The following KHDRBS3 variants were observed in gnomAD, a reference collection of about 807,000 sequenced individuals.
KHDRBS3 encodes the protein KH domain-containing, RNA-binding, signal transduction-associated protein 3.
KHDRBS3 carries 23 observed loss-of-function variants against 45.6 expected under a neutral mutation model. The ratio of observed to expected loss-of-function variants is 0.50; its 90% confidence interval spans 0.36 to 0.72. KHDRBS3 has a LOEUF of 0.72. KHDRBS3 is among the 30% of genes least tolerant of loss of function. The pLI is 0.00. For synonymous variants in KHDRBS3, 162 were observed against 156.5 expected, an observed-to-expected ratio of 1.04 and a Z score of -0.26; for missense variants, 352 against 424.8, an observed-to-expected ratio of 0.83 and a Z score of 1.51.
chr8:135,470,575 C>CTT (rs397962210), intron 1 of KHDRBS3, among the ~76,000 whole-genome samples: 8,024 of 141,834 alleles, frequency 0.057, 305 homozygotes, highest in African/African-American at 0.1. Context: ...GGTTTTGCTG[C>CTT]TTTTTTTTTT....
At chr8:135,553,205 C>T (rs1466308577) in intron 4 of KHDRBS3, among the ~76,000 whole-genome samples, 2 of 152,090 alleles carry the variant, frequency 1.3e-5, no homozygotes, top group Non-Finnish European at 2.9e-5. Context: ...GGCAAGCAGG[C>T]CAGACTCTCA....
chr8:135,505,473 TTC>T (rs1351652287), intron 1 of KHDRBS3, among the ~76,000 whole-genome samples: 4 of 152,132 alleles, frequency 2.6e-5, no homozygotes, highest in Non-Finnish European at 5.9e-5. Context: ...CCCAGGTACT[TTC>T]CACTATACTT....
chr8:135,547,100 A>G (rs750435848), intron 3 of KHDRBS3, among the ~76,000 whole-genome samples: 4 of 152,222 alleles, frequency 2.6e-5, no homozygotes, highest in Non-Finnish European at 5.9e-5. Context: ...AACTTGAGCA[A>G]TGAGAGAGAT....
chr8:135,481,273 CTT>C (rs1554614716), intron 1 of KHDRBS3, among the ~76,000 whole-genome samples: 1 of 36,658 alleles, frequency 2.7e-5, no homozygotes, highest in Non-Finnish European at 4.7e-5. Flanking sequence ...CTTCTGTGTA[CTT>C]TTTTTTTTTT....
intron 1 of KHDRBS3, among the ~76,000 whole-genome samples, chr8:135,491,120 T>G (rs185116200): frequency 2.0e-4 from 30 of 152,332 alleles, no homozygotes; most frequent in Non-Finnish European, 3.1e-4. Context: ...TGCTTTCTTA[T>G]TTTGTACTGA....
chr8:135,468,867 T>A (rs1340078634), intron 1 of KHDRBS3, among the ~76,000 whole-genome samples: 2 of 152,230 alleles, frequency 1.3e-5, no homozygotes, highest in Non-Finnish European at 2.9e-5. Context: ...TTTGTTCAGG[T>A]CCTTGTTTAA....
intron 2 of KHDRBS3, among the ~76,000 whole-genome samples, chr8:135,535,703 T>G (rs551359417): frequency 1.4e-4 from 21 of 152,252 alleles, no homozygotes; most frequent in African/African-American, 4.6e-4. Context: ...CCAGAAGGTA[T>G]CCCAGTCCAT....
At chr8:135,644,571 G>A (rs764239904) in intron 7 of KHDRBS3, among the ~76,000 whole-genome samples, 1 of 152,226 alleles carries the variant, frequency 6.6e-6, no homozygotes, top group Admixed American at 6.5e-5. Flanking sequence ...TGGTAGACGA[G>A]GGTGTAAGAA....
chr8:135,544,624 G>A (rs1172562792), intron 3 of KHDRBS3, among the ~76,000 whole-genome samples: 1 of 152,086 alleles, frequency 6.6e-6, no homozygotes, highest in East Asian at 1.9e-4. Flanking sequence ...GAGACTGCTG[G>A]GGATTAAGGT....
intron 1 of KHDRBS3, among the ~76,000 whole-genome samples, chr8:135,511,898 A>T (rs1363520942): frequency 6.6e-6 from 1 of 152,176 alleles, no homozygotes; most frequent in Admixed American, 6.5e-5. Flanking sequence ...AAGCATTTGT[A>T]ATATTTAGAG....
intron 5 of KHDRBS3, among the ~76,000 whole-genome samples, chr8:135,560,082 A>G (rs931384456): frequency 2.0e-5 from 3 of 152,270 alleles, no homozygotes; most frequent in Middle Eastern, 3.4e-3. Flanking sequence ...AAAGAGAAAC[A>G]TAAGTCTCCC....
intron 1 of KHDRBS3, among the ~76,000 whole-genome samples, chr8:135,508,727 T>C (rs113054775): frequency 7.6e-4 from 116 of 152,322 alleles, no homozygotes; most frequent in Non-Finnish European, 2.1e-4. Context: ...GTTTAGTCTG[T>C]GGACTTACTA....
chr8:135,612,527 C>A (rs1039759547), intron 7 of KHDRBS3, among the ~76,000 whole-genome samples: 1 of 151,860 alleles, frequency 6.6e-6, no homozygotes, highest in African/African-American at 2.4e-5. Flanking sequence ...GTGGGCAGTG[C>A]CATGTAGCAC....
intron 2 of KHDRBS3, among the ~76,000 whole-genome samples, chr8:135,522,569 T>C (rs1015318902): frequency 6.6e-6 from 1 of 152,240 alleles, no homozygotes; most frequent in African/African-American, 2.4e-5. Flanking sequence ...CATCAGTATT[T>C]GGTGCTGTCA....
chr8:135,506,465 G>A (rs1331499775), intron 1 of KHDRBS3, among the ~76,000 whole-genome samples: 16 of 149,950 alleles, frequency 1.1e-4, no homozygotes, highest in Middle Eastern at 3.4e-3. Context: ...GTGTAGTGGC[G>A]CTGTCTCGGC....
chr8:135,546,306 T>A (rs995351890), intron 3 of KHDRBS3, among the ~76,000 whole-genome samples: 3 of 152,170 alleles, frequency 2.0e-5, no homozygotes, highest in African/African-American at 7.2e-5. Context: ...CTAAAGAGAT[T>A]CCCATTACTT....
At chr8:135,623,748 A>G (rs866181786) in intron 7 of KHDRBS3, among the ~76,000 whole-genome samples, 4 of 152,208 alleles carry the variant, frequency 2.6e-5, no homozygotes, top group Non-Finnish European at 2.9e-5. Context: ...AACAATGGCT[A>G]GTTACTCACA....
chr8:135,608,805 T>C lies in KHDRBS3; in HGVS notation c.890+1768T>C, dbSNP rs118153104. Among the ~76,000 whole-genome samples, 12 of 152,372 alleles carry C rather than the reference T, an allele frequency of 7.9e-5. No homozygotes were observed. In the East Asian group the frequency reaches 2.3e-3, roughly 29 times the overall value. ...GATACAGCCTGCTACACATCTGGGC[T>C]GTATGGTCTACCTGAACAGCATGTT... On this transcript the variant is annotated intron_variant, in intron 7 of 8. Coordinates refer to ENST00000355849, the MANE Select transcript of KHDRBS3 (RefSeq NM_006558.3).
At chr8:135,527,939 A>G (rs1586666111) in intron 2 of KHDRBS3, among the ~76,000 whole-genome samples, 1 of 152,222 alleles carries the variant, frequency 6.6e-6, no homozygotes, top group East Asian at 1.9e-4. Flanking sequence ...CTTTATTAAT[A>G]TAAAAACATT....
Sources: allele counts gnomAD v4.1 joint callset (sites outside exome capture counted in the v4.1 genomes callset), GRCh38; gene constraint gnomAD v4.1.1; transcripts MANE v1.5; gene names NCBI Gene and HGNC (gene_info 2026-07-23, HGNC 2026-07-21).